Variants in LRRTM4 observed in about 807,000 individuals in gnomAD.
The protein encoded by LRRTM4 is leucine rich repeat transmembrane neuronal 4.
In LRRTM4, 25 loss-of-function variants were observed where a neutral mutation model predicts 47.6. The ratio of observed to expected loss-of-function variants is 0.53; its 90% CI spans 0.38 to 0.73. The LOEUF (loss-of-function observed/expected upper bound fraction) is 0.73, where lower values mean the gene tolerates loss of function less well. Among genes scored for constraint, LRRTM4 ranks in the 30% least tolerant of loss-of-function variants. LRRTM4 has a pLI of 0.00. For missense variants in LRRTM4, 638 were observed against 713.4 expected (o/e 0.89, Z 1.20); for synonymous variants, 311 against 269.5 (o/e 1.15, Z -1.51).
chr2:77,337,556 G>C (rs963640785), intron 3 of LRRTM4, among the ~76,000 whole-genome samples: 1 of 151,930 alleles, frequency 6.6e-6, no homozygotes, highest in East Asian at 1.9e-4. Context: ...ACAAGTTTTC[G>C]TGAGATCTGG....
At chr2:77,264,143 G>T (rs1185045176) in intron 3 of LRRTM4, among the ~76,000 whole-genome samples, 1 of 151,996 alleles carries the variant, frequency 6.6e-6, no homozygotes. Context: ...CAGAGAATGG[G>T]TGGCTTCAAC....
In LRRTM4 at chr2:77,254,023, A is replaced by G. The variant is rs1362949381; in HGVS notation, c.1551+264295T>C. ...AAGAAGAGCAAATCTCAATCAGGAC[A>G]ATATATGTATGTTTATATATACACA... On this transcript the variant is annotated intron_variant, in intron 3 of 3. Transcript: ENST00000409884. 2.0e-5 allele frequency among the ~76,000 whole-genome samples: 3 copies of G among 152,092 alleles called. No individual in the cohort carries two copies. In the East Asian group the frequency reaches 5.8e-4, roughly 29 times the overall value.
intron 3 of LRRTM4, among the ~76,000 whole-genome samples, chr2:76,807,191 C>T (rs1342497255): frequency 6.6e-6 from 1 of 151,560 alleles, no homozygotes; most frequent in Admixed American, 6.6e-5. Flanking sequence ...AAATAATGAA[C>T]ACTGTTTGAC....
intron 3 of LRRTM4, among the ~76,000 whole-genome samples, chr2:77,332,994 C>T (rs540797546): frequency 5.9e-5 from 9 of 152,202 alleles, no homozygotes; most frequent in East Asian, 1.9e-4. Context: ...GCTGTTCTCA[C>T]GTTAGTGAAT....
At chr2:77,048,730 T>C (rs1679315241) in intron 3 of LRRTM4, among the ~76,000 whole-genome samples, 1 of 151,970 alleles carries the variant, frequency 6.6e-6, no homozygotes, top group South Asian at 2.1e-4. Context: ...TCAGGGTAAT[T>C]AGCATATCTA....
intron 3 of LRRTM4, among the ~76,000 whole-genome samples, chr2:77,251,151 G>GTA (rs1439041034): frequency 2.7e-5 from 1 of 36,902 alleles, no homozygotes; most frequent in Non-Finnish European, 6.9e-5. Flanking sequence ...ATATATGTGT[G>GTA]TATATATACA....
intron 3 of LRRTM4, among the ~76,000 whole-genome samples, chr2:77,395,560 C>G (rs922456387): frequency 3.3e-5 from 5 of 151,960 alleles, no homozygotes; most frequent in African/African-American, 1.2e-4. Context: ...CAACTTATCT[C>G]AAGCCTCTTT....
At chr2:77,307,192 G>A (rs923746072) in intron 3 of LRRTM4, among the ~76,000 whole-genome samples, 55 of 151,834 alleles carry the variant, frequency 3.6e-4, no homozygotes, top group African/African-American at 1.1e-3. Flanking sequence ...GAGCCACCGC[G>A]CCCGGCCCCC....
At chr2:76,841,871 CT>C (rs1490638690) in intron 3 of LRRTM4, among the ~76,000 whole-genome samples, 1 of 152,044 alleles carries the variant, frequency 6.6e-6, no homozygotes, top group Non-Finnish European at 1.5e-5. Context: ...CATATCAAAT[CT>C]GAAAAAACTA....
rs56140303 is a variant in LRRTM4, at chr2:76,936,954, C to CAAAAA, written c.1552-188043_1552-188039dup. Among the ~76,000 whole-genome samples the CAAAAA allele has an allele frequency of 9.3e-3, 211 of 22,700 alleles. 33 individuals are homozygous for CAAAAA. The highest frequency in any genetic ancestry group is 0.014 in the African/African-American group (105 of 7,374). The allele number at this position is 22,700 out of a possible 152,430, so 14.9% of individuals were successfully genotyped here. ...TGGGCGACAGAGCAAGACTCCATCT[C>CAAAAA]AAAAAAAAAAAAAAAAAAAAAAAAA... On this transcript the variant is annotated intron_variant, in intron 3 of 3. Coordinates refer to ENST00000409884, the MANE Select transcript of LRRTM4 (RefSeq NM_001134745.3).
At position 76,968,389 on chromosome 2, in the gene LRRTM4, T is replaced by C. The variant is rs865852996; in HGVS notation, c.1552-219473A>G. Among the ~76,000 whole-genome samples the C allele has an allele frequency of 3.9e-4, 46 of 118,784 alleles. No homozygotes were observed. The East Asian group carries it at 4.9e-3, about 13-fold the overall frequency. 77.9% of individuals were successfully genotyped at this position (118,784 alleles called of 152,430 possible). On this transcript the variant is annotated intron_variant, in intron 3 of 3. Transcript: ENST00000409884. ...ATATATATATATATATATATACACATACATACATACATATATATGTAGTAA... is the reference window on the plus strand; with the variant it reads ...ATATATATATATATATATATACACACACATACATACATATATATGTAGTAA...
chr2:77,397,667 C>T (rs552251825), intron 3 of LRRTM4, among the ~76,000 whole-genome samples: 15 of 151,926 alleles, frequency 9.9e-5, no homozygotes, highest in African/African-American at 3.6e-4. Flanking sequence ...TAGCTATTAT[C>T]TCCATTATTT....
At chr2:76,903,923 T>C (rs1673730991) in intron 3 of LRRTM4, among the ~76,000 whole-genome samples, 1 of 152,214 alleles carries the variant, frequency 6.6e-6, no homozygotes. Flanking sequence ...CTTAAGTGTT[T>C]TAGAAATTAA....
chr2:76,934,381 G>C (rs1288432799), intron 3 of LRRTM4, among the ~76,000 whole-genome samples: 1 of 152,110 alleles, frequency 6.6e-6, no homozygotes, highest in Non-Finnish European at 1.5e-5. Flanking sequence ...TTTAGATCCA[G>C]TCGTATATAT....
At chr2:77,035,169 C>T (rs929478991) in intron 3 of LRRTM4, among the ~76,000 whole-genome samples, 7 of 151,570 alleles carry the variant, frequency 4.6e-5, no homozygotes, top group African/African-American at 1.5e-4. Context: ...CCCATTAACT[C>T]GTCATTTACA....
intron 3 of LRRTM4, among the ~76,000 whole-genome samples, chr2:77,373,272 G>T (rs764463347): frequency 6.6e-6 from 1 of 151,042 alleles, no homozygotes; most frequent in Non-Finnish European, 1.5e-5. Context: ...GTAATAAACA[G>T]ATTGTGAAAG....
At chr2:77,184,895 AT>A (rs759788748) in intron 3 of LRRTM4, among the ~76,000 whole-genome samples, 6 of 152,142 alleles carry the variant, frequency 3.9e-5, no homozygotes, top group Non-Finnish European at 7.3e-5. Flanking sequence ...TTGGAGAAAC[AT>A]TTATTCCCCA....
At chr2:77,038,828 C>G (rs1678931080) in intron 3 of LRRTM4, among the ~76,000 whole-genome samples, 2 of 151,382 alleles carry the variant, frequency 1.3e-5, no homozygotes, top group East Asian at 1.9e-4. Flanking sequence ...ATGGATCTAA[C>G]CATCTAATGT....
intron 3 of LRRTM4, among the ~76,000 whole-genome samples, chr2:77,127,027 T>A (rs1161390983): frequency 6.6e-6 from 1 of 152,150 alleles, no homozygotes; most frequent in Non-Finnish European, 1.5e-5. Context: ...TACAAATACT[T>A]CTCCCTCCCA....
Sources: allele counts gnomAD v4.1 joint callset (sites outside exome capture counted in the v4.1 genomes callset), GRCh38; gene constraint gnomAD v4.1.1; transcripts MANE v1.5; gene names NCBI Gene and HGNC (gene_info 2026-07-23, HGNC 2026-07-21).